RLF: variants seen among roughly 807,000 people sequenced by gnomAD.
The protein encoded by RLF is RLF zinc finger, also known as zinc finger protein Rlf.
In RLF, 7 loss-of-function variants were observed where a neutral mutation model predicts 162.9. That is an observed-to-expected ratio of 0.04 (90% confidence interval 0.02 to 0.08). The LOEUF is 0.08. Ranked by LOEUF, RLF falls within the 10% of genes least tolerant of loss-of-function variation. The pLI, the probability that RLF is intolerant of heterozygous loss-of-function variation, is 1.00. For synonymous variants in RLF, 782 were observed against 791.5 expected (o/e 0.99, Z 0.20); for missense variants, 1,664 against 2,244.7 (o/e 0.74, Z 5.23).
intron 1 of RLF, among the ~76,000 whole-genome samples, chr1:40,175,217 T>C (rs1642304014): frequency 6.8e-6 from 1 of 146,456 alleles, no homozygotes; most frequent in Non-Finnish European, 1.5e-5. Flanking sequence ...GGGGGGGGAG[T>C]TAAATCTAGA....
intron 3 of RLF, among the ~76,000 whole-genome samples, chr1:40,194,804 CTAGT>C (rs1269489621): frequency 4.7e-5 from 6 of 128,668 alleles, no homozygotes; most frequent in Non-Finnish European, 8.2e-5. Context: ...TGAAAACATC[CTAGT>C]TATTTATTTA....
intron 6 of RLF, among the ~76,000 whole-genome samples, chr1:40,223,021 T>A (rs1401891754): frequency 6.6e-6 from 1 of 152,176 alleles, no homozygotes; most frequent in Non-Finnish European, 1.5e-5. Flanking sequence ...TTCATTTTTT[T>A]AGTATCTTCT....
intron 4 of RLF, among the ~76,000 whole-genome samples, chr1:40,202,016 G>C (rs1206641429): frequency 6.6e-6 from 1 of 151,976 alleles, no homozygotes; most frequent in Non-Finnish European, 1.5e-5. Context: ...TGGAATCCTT[G>C]GCAAGTTACC....
At chr1:40,203,356 T>A (rs1642745084) in intron 5 of RLF, among the ~76,000 whole-genome samples, 1 of 151,866 alleles carries the variant, frequency 6.6e-6, no homozygotes, top group African/African-American at 2.4e-5. Flanking sequence ...CTTCAACTGA[T>A]CCACCTGCTT....
chr1:40,223,225 C>T (rs1335387479), intron 6 of RLF, among the ~76,000 whole-genome samples: 1 of 152,122 alleles, frequency 6.6e-6, no homozygotes, highest in East Asian at 1.9e-4. Flanking sequence ...CTACAGAATA[C>T]TTAGTTGCTA....
intron 1 of RLF, among the ~76,000 whole-genome samples, chr1:40,171,864 A>G (rs1642249695): frequency 6.6e-6 from 1 of 152,062 alleles, no homozygotes. Flanking sequence ...TGTCATATAC[A>G]CTCTTATGTA....
chr1:40,202,012 C>A (rs907151073), intron 4 of RLF, among the ~76,000 whole-genome samples: 1 of 152,072 alleles, frequency 6.6e-6, no homozygotes, highest in Non-Finnish European at 1.5e-5. Flanking sequence ...GCTTTGGAAT[C>A]CTTGGCAAGT....
chr1:40,239,191 G>A lies in RLF; in HGVS notation c.4489G>A (p.Ala1497Thr), dbSNP rs1267275334. 1 of 1,614,106 alleles carries A rather than the reference G, an allele frequency of 6.2e-7. No individual in the cohort carries two copies. Among genetic ancestry groups the A allele is most frequent in the South Asian group, 1.1e-5 (1 of 91,080 alleles). Residue 1497 changes from alanine to threonine, a missense_variant, in exon 8 of 8, where the codon GCT becomes ACT. Ala to Thr is a moderately conservative substitution (Grantham distance 58). Coordinates refer to ENST00000372771, the MANE Select transcript of RLF (RefSeq NM_012421.4). The stretch of plus-strand genomic sequence containing the variant: ...AAGGAGTGAAAAGGTATGTCAAACA[G>A]CTGATACTCAGGGGCATGAACATCA... Reference protein sequence around the residue: ...LLRSEKVCQTADTQGHEHQTT... With the variant: ...LLRSEKVCQTTDTQGHEHQTT...
chr1:40,191,538 G>A (rs76081579), intron 3 of RLF, among the ~76,000 whole-genome samples: 1 of 147,308 alleles, frequency 6.8e-6, no homozygotes, highest in African/African-American at 2.6e-5. Context: ...ACTCTGTCTC[G>A]GAAAAAAAAA....
intron 5 of RLF, among the ~76,000 whole-genome samples, chr1:40,217,343 T>G (rs536646796): frequency 7.2e-5 from 11 of 152,242 alleles, no homozygotes; most frequent in African/African-American, 2.4e-4. Flanking sequence ...GGTGGGTGAC[T>G]GTAGTCCCAG....
intron 5 of RLF, among the ~76,000 whole-genome samples, chr1:40,209,613 C>T (rs758383935): frequency 1.3e-5 from 2 of 152,230 alleles, no homozygotes; most frequent in South Asian, 4.1e-4. Context: ...CAGAGTGGCT[C>T]ATGCCTGTAA....
chr1:40,165,110 T>C (rs79643670), intron 1 of RLF, among the ~76,000 whole-genome samples: 1,812 of 152,326 alleles, frequency 0.012, 37 homozygotes, highest in African/African-American at 0.042. Flanking sequence ...TAAGAAAATA[T>C]CTATTTTTAA....
chr1:40,239,567 G>T lies in RLF; in HGVS notation c.4865G>T (p.Arg1622Leu). ...GAAAATAGAAGCTGTGAATCAGAGC[G>T]CACAGAACACAGCCATTCCCCGGGT... ...KEENRSCESE[R>L]TEHSHSPGDS... Residue 1622 changes from arginine to leucine, a missense_variant, in exon 8 of 8, where the codon CGC becomes CTC. Transcript: ENST00000372771. 1 of 1,614,068 alleles carries T rather than the reference G, an allele frequency of 6.2e-7. No individual in the cohort carries two copies. Among genetic ancestry groups the T allele is most frequent in the Non-Finnish European group, 8.5e-7 (1 of 1,180,012 alleles).
chr1:40,233,194 T>A (rs1286875117), intron 7 of RLF, among the ~76,000 whole-genome samples: 1 of 152,178 alleles, frequency 6.6e-6, no homozygotes, highest in Non-Finnish European at 1.5e-5. Flanking sequence ...CTTCCTAGTT[T>A]AAGACCCACC....
chr1:40,190,640 G>T, intron 2 of RLF, 132 bp from the exon 3 acceptor site: 1 of 568,946 alleles, frequency 1.8e-6, no homozygotes, highest in Non-Finnish European at 3.0e-6. Flanking sequence ...TAACAACTCT[G>T]AAGCAAATTT....
At chr1:40,172,035 G>A (rs1028363927) in intron 1 of RLF, among the ~76,000 whole-genome samples, 2 of 152,026 alleles carry the variant, frequency 1.3e-5, no homozygotes, top group Non-Finnish European at 2.9e-5. Flanking sequence ...ATCTTTTCAC[G>A]TAGAATATGT....
chr1:40,187,600 G>T (rs930888931), intron 1 of RLF, among the ~76,000 whole-genome samples: 1 of 151,094 alleles, frequency 6.6e-6, no homozygotes, highest in Non-Finnish European at 1.5e-5. Flanking sequence ...TCAACTGACT[G>T]TAATGATTCA....
At chr1:40,189,296 T>G in intron 2 of RLF, 87 bp downstream of exon 2, 1 of 1,109,280 alleles carries the variant, frequency 9.0e-7, no homozygotes, top group South Asian at 1.4e-5. Flanking sequence ...GGCATCACAT[T>G]TATTCTTCAG....
intron 6 of RLF, among the ~76,000 whole-genome samples, chr1:40,230,425 T>TTTTG (rs1031857596): frequency 6.6e-6 from 1 of 152,124 alleles, no homozygotes; most frequent in Non-Finnish European, 1.5e-5. Flanking sequence ...TTAGTGTTTT[T>TTTTG]TTTGTTTGTT....
Sources: gnomAD v4.1 joint callset for allele counts (sites outside exome capture counted in the v4.1 genomes callset) on GRCh38, gnomAD v4.1.1 for gene constraint, MANE v1.5 for transcripts, NCBI Gene and HGNC (gene_info 2026-07-23, HGNC 2026-07-21) for gene names.